Variants in LAMB4 observed in about 807,000 individuals in gnomAD.
LAMB4 encodes the protein laminin subunit beta-4.
In LAMB4, 196 loss-of-function variants were observed where a neutral mutation model predicts 199.2. The ratio of observed to expected loss-of-function variants is 0.98; its 90% CI spans 0.88 to 1.11. LAMB4 has a LOEUF of 1.11. Ranked by LOEUF, LAMB4 falls within the 50% of genes least tolerant of loss-of-function variation. LAMB4 has a pLI of 0.00. For missense variants in LAMB4, 2,080 were observed against 2,171.2 expected (o/e 0.96, Z 0.83); for synonymous variants, 744 against 770.6 (o/e 0.97, Z 0.57).
chr7:108,039,680 G>C (rs2035354055), intron 29 of LAMB4, among the ~76,000 whole-genome samples: 1 of 152,026 alleles, frequency 6.6e-6, no homozygotes, highest in Non-Finnish European at 1.5e-5. Context: ...CGTTGGCCAG[G>C]CTGGTCTCAC....
intron 2 of LAMB4, among the ~76,000 whole-genome samples, chr7:108,116,541 A>G (rs1378755147): frequency 1.3e-5 from 2 of 152,184 alleles, no homozygotes; most frequent in South Asian, 4.1e-4. Context: ...CCGCATATGA[A>G]AGTCCAAGAG....
chr7:108,112,496 T>C (rs1190301283), intron 3 of LAMB4, among the ~76,000 whole-genome samples: 1 of 125,244 alleles, frequency 8.0e-6, no homozygotes, highest in Non-Finnish European at 1.8e-5. Context: ...TTTCACCATG[T>C]TGGCAGGCTG....
intron 18 of LAMB4, among the ~76,000 whole-genome samples, chr7:108,068,667 C>T (rs2036428102): frequency 6.6e-6 from 1 of 152,028 alleles, no homozygotes; most frequent in South Asian, 2.1e-4. Flanking sequence ...TGCCACCATA[C>T]CCCTTACTAG....
intron 33 of LAMB4, 60 bp downstream of exon 33, chr7:108,028,983 G>C: frequency 6.9e-7 from 1 of 1,445,926 alleles, no homozygotes; most frequent in South Asian, 1.3e-5. Context: ...AATTCTACTA[G>C]TAAGGTAGAG....
chr7:108,047,843 A>G, intron 28 of LAMB4, 65 bp downstream of exon 28: 1 of 1,359,470 alleles, frequency 7.4e-7, no homozygotes. Context: ...GCAGTTTTAT[A>G]AATTTTAAGC....
At chr7:108,051,966 A>G (rs61237166) in intron 26 of LAMB4, 131 bp downstream of exon 26, 13,377 of 603,968 alleles carry the variant, frequency 0.022, 1,206 homozygotes, top group African/African-American at 0.21. Context: ...AATACCTTTA[A>G]TGGTTGTGTT....
intron 9 of LAMB4, 57 bp from the exon 10 acceptor site, chr7:108,103,289 G>A: frequency 1.4e-6 from 2 of 1,428,476 alleles, no homozygotes; most frequent in Non-Finnish European, 1.9e-6. Flanking sequence ...GGCACAGCCA[G>A]TGCCCCCGCA....
At chr7:108,057,762 G>T in intron 24 of LAMB4, 70 bp downstream of exon 24, 6 of 911,390 alleles carry the variant, frequency 6.6e-6, no homozygotes, top group Non-Finnish European at 1.1e-5. Flanking sequence ...AAATTCAGTT[G>T]GTTCATAGCA....
intron 29 of LAMB4, 147 bp from the exon 30 acceptor site, chr7:108,037,742 T>C (rs1294392812): frequency 1.3e-5 from 8 of 632,486 alleles, no homozygotes; most frequent in South Asian, 5.9e-5. Flanking sequence ...TAGCTTCCTA[T>C]AGATTCTTCT....
Position 108,107,612 on chromosome 7 carries a change from A to G in LAMB4, c.591+19T>C. On this transcript the variant is annotated intron_variant, in intron 6 of 33. Coordinates refer to ENST00000388781, the MANE Select transcript of LAMB4 (RefSeq NM_007356.3). ...AAAGTTTAATTTATACAAAATAAAT[A>G]CAAGGAAGGAAATGCTACCTCTCCA... is the stretch of plus-strand genomic sequence containing the variant. 4 of 1,543,190 alleles carry G rather than the reference A, an allele frequency of 2.6e-6. No homozygotes were observed. The highest frequency in any genetic ancestry group is 3.5e-6 in the Non-Finnish European group (4 of 1,141,948).
chr7:108,044,009 TA>T, intron 28 of LAMB4, 113 bp from the exon 29 acceptor site: 1 of 843,142 alleles, frequency 1.2e-6, no homozygotes, highest in Non-Finnish European at 1.8e-6. Flanking sequence ...AAAAACTAAA[TA>T]AAAGTCTAGA....
At chr7:108,106,178 G>A in intron 7 of LAMB4, 147 bp from the exon 8 acceptor site, 1 of 691,516 alleles carries the variant, frequency 1.4e-6, no homozygotes, top group Admixed American at 2.7e-5. Flanking sequence ...AGCACTTTGG[G>A]TGGCCGAGGC....
At chr7:108,130,066 A>G (rs1034679700) in intron 1 of LAMB4, among the ~76,000 whole-genome samples, 1 of 152,236 alleles carries the variant, frequency 6.6e-6, no homozygotes, top group African/African-American at 2.4e-5. Flanking sequence ...GTAAGGCTCA[A>G]GTTGTTGGCT....
rs1426391864 is a variant in LAMB4 at position 108,062,918 on chromosome 7, G to T, written c.3138C>A (p.Val1046=). ...PGGGACLCDP[V]TGACPCLPNV... is the part of the protein sequence containing the mutation. ...TCGGCAGACAAGGACATGCACCAGT[G>T]ACAGGGTCACAGAGGCAAGCTCCCC... Residue 1046 remains valine, a synonymous_variant, in exon 23 of 34, where the codon GTC becomes GTA. Transcript: ENST00000388781. The T allele has an allele frequency of 3.1e-6, 5 of 1,608,796 alleles. No homozygotes were observed. The highest frequency in any genetic ancestry group is 4.2e-6 in the Non-Finnish European group (5 of 1,177,978).
intron 31 of LAMB4, among the ~76,000 whole-genome samples, chr7:108,032,321 T>TG (rs2035065927): frequency 6.6e-6 from 1 of 151,564 alleles, no homozygotes; most frequent in Non-Finnish European, 1.5e-5. Context: ...ACCCAGGAGG[T>TG]GGAGGTTGCA....
the LAMB4 span, among the ~76,000 whole-genome samples, chr7:108,012,989 T>C: frequency 6.6e-6 from 1 of 152,216 alleles, no homozygotes; most frequent in East Asian, 1.9e-4. Context: ...GGACACATGC[T>C]TATTGGAGAG....
rs894605279 is a variant in LAMB4 at position 108,123,035 on chromosome 7, C to T, written c.34+96G>A. 6 of 1,099,898 alleles carry T rather than the reference C, an allele frequency of 5.5e-6. No individual in the cohort carries two copies. In the African/African-American group the frequency reaches 9.5e-5, roughly 17 times the overall value. 68.1% of individuals were successfully genotyped at this position (1,099,898 alleles called of 1,614,324 possible). On this transcript the variant is annotated intron_variant, in intron 2 of 33. Transcript: ENST00000388781. Reference sequence around the variant, plus strand: ...AGAATAGCTACATAAGCATACAGCACTATAGAAGACAGAAGTGAATATGTT... The same window carrying T: ...AGAATAGCTACATAAGCATACAGCATTATAGAAGACAGAAGTGAATATGTT...
At chr7:108,023,374 ATGAT>A (rs2034732645), downstream of LAMB4, among the ~76,000 whole-genome samples, 1 of 152,248 alleles carries the variant, frequency 6.6e-6, no homozygotes, top group Non-Finnish European at 1.5e-5. Context: ...CAATAAGAAC[ATGAT>A]TGATAGTCTT....
At chr7:108,102,106 C>G (rs2037834598) in intron 10 of LAMB4, among the ~76,000 whole-genome samples, 1 of 152,126 alleles carries the variant, frequency 6.6e-6, no homozygotes, top group South Asian at 2.1e-4. Flanking sequence ...CTAGGTATAT[C>G]TCCTAGGGAC....
Sources: allele counts gnomAD v4.1 joint callset (sites outside exome capture counted in the v4.1 genomes callset), GRCh38; gene constraint gnomAD v4.1.1; transcripts MANE v1.5; gene names NCBI Gene and HGNC (gene_info 2026-07-23, HGNC 2026-07-21).